The following MAP1S variants were observed in gnomAD, a reference collection of about 807,000 sequenced individuals.
MAP1S encodes the protein microtubule-associated protein 1S.
Under a neutral mutation model 60.9 loss-of-function variants are expected in MAP1S, and 27 were observed. That is an observed-to-expected ratio of 0.44 (90% CI 0.33 to 0.61). The LOEUF is 0.61. MAP1S is among the 20% of genes least tolerant of loss of function. The pLI, the probability that MAP1S is intolerant of heterozygous loss-of-function variation, is 0.03. For missense variants in MAP1S, 1,608 were observed against 1,486.6 expected, an observed-to-expected ratio of 1.08 and a Z score of -1.34; for synonymous variants, 826 against 694.2, an observed-to-expected ratio of 1.19 and a Z score of -2.98.
At chr19:17,720,314 A>C (rs1568289001) in intron 1 of MAP1S, 2 of 1,463,298 alleles carry the variant, frequency 1.4e-6, no homozygotes, top group Non-Finnish European at 1.8e-6. Flanking sequence ...AGGAACACGC[A>C]CCTCGGTTCA....
intron 1 of MAP1S, 149 bp from the exon 2 acceptor site, chr19:17,720,787 C>G (rs928499065): frequency 1.4e-6 from 1 of 706,272 alleles, no homozygotes; most frequent in South Asian, 1.6e-5. Flanking sequence ...GCAGCGAGAC[C>G]TGAAGGTGTT....
At chr19:17,723,408 C>T (rs866105817) in intron 2 of MAP1S, among the ~76,000 whole-genome samples, 3 of 151,730 alleles carry the variant, frequency 2.0e-5, no homozygotes, top group African/African-American at 4.8e-5. Flanking sequence ...ATTAATGGGG[C>T]GTGGTGGCGT....
chr19:17,725,980 CG>C lies in MAP1S; in HGVS notation c.597del (p.Gln200SerfsTer91). The C allele has an allele frequency of 6.2e-7, 1 of 1,612,202 alleles. No homozygotes were observed. The highest frequency in any genetic ancestry group is 8.5e-7 in the Non-Finnish European group (1 of 1,179,326). ...CTCCAGCTGCGGCTGAACCCCCCGGCGCAGCTGCCCAACTCTGAGGGCCTGT... is the reference window on the plus strand; with the variant it reads ...CTCCAGCTGCGGCTGAACCCCCCGGCCAGCTGCCCAACTCTGAGGGCCTGT... Reference protein sequence around the residue: ...LRLQLRLNPPAQLPNSEGLCE... With the variant: ...LRLQLRLNPPXQLPNSEGLCE... On this transcript the variant is annotated frameshift_variant, in exon 5 of 7. Transcript: ENST00000324096. LOFTEE classifies it high-confidence loss of function. The surrounding 1 kb of genome is among the most constrained non-coding windows in gnomAD (Gnocchi z 4.2).
intron 5 of MAP1S, among the ~76,000 whole-genome samples, chr19:17,732,081 T>G (rs1166998676): frequency 6.6e-6 from 1 of 152,262 alleles, no homozygotes; most frequent in Admixed American, 6.5e-5. Flanking sequence ...TAAAATGAGT[T>G]AGGAAGTGTT....
At position 17,726,708 on chromosome 19, in the gene MAP1S, C is replaced by T. The variant is rs1258466553; in HGVS notation, c.1324C>T (p.Leu442=). The change falls in exon 5 of 7, where the codon CTG becomes TTG. Residue 442 remains leucine, a synonymous_variant. Transcript: ENST00000324096. The stretch of plus-strand genomic sequence containing the variant: ...CGGTTGCACCCCGCCCGCCTGCCTC[C>T]TGGACGGCCTGGTCCGCCTGCAGCA... ...FPGCTPPACL[L]DGLVRLQHLR... 1.9e-6 allele frequency: 3 copies of T among 1,591,186 alleles called. No individual in the cohort carries two copies. The highest frequency in any genetic ancestry group is 2.3e-5 in the South Asian group (2 of 88,646).
At position 17,727,656 on chromosome 19, in the gene MAP1S, G is replaced by A. The variant is rs774970006; in HGVS notation, c.2272G>A (p.Ala758Thr). ...RKAVPMAPAP[A>T]SPGSSNDSSA... ...GGCGGTGCCAATGGCACCGGCACCT[G>A]CGTCCCCCGGCAGCTCGAATGACAG... The change falls in exon 5 of 7, where the codon GCG becomes ACG. Residue 758 changes from alanine (A) to threonine (T), a missense_variant. Around this residue, in one of 4 missense-constraint regions of MAP1S, gnomAD observed 1,167 missense variants for 961.4 expected, o/e 1.21. Coordinates refer to ENST00000324096, the MANE Select transcript of MAP1S (RefSeq NM_018174.6). The surrounding 1 kb of genome is among the most constrained non-coding windows in gnomAD (Gnocchi z 4.1). The A allele has an allele frequency of 2.5e-6, 4 of 1,608,796 alleles. No homozygotes were observed. The highest frequency in any genetic ancestry group is 3.4e-6 in the Non-Finnish European group (4 of 1,179,686).
intron 3 of MAP1S, among the ~76,000 whole-genome samples, 180 bp downstream of exon 3, chr19:17,724,388 G>T (rs991711162): frequency 5.3e-5 from 8 of 152,146 alleles, no homozygotes; most frequent in Non-Finnish European, 1.2e-4. Context: ...CCTCCTCTGG[G>T]GTGGGAGCAG....
chr19:17,725,978 G>A lies in MAP1S; in HGVS notation c.594G>A (p.Pro198=), dbSNP rs746922959. ...GGCTCCAGCTGCGGCTGAACCCCCC[G>A]GCGCAGCTGCCCAACTCTGAGGGCC... ...ALRLQLRLNP[P]AQLPNSEGLC... The change falls in exon 5 of 7, where the codon CCG becomes CCA. Residue 198 remains proline (P), a synonymous_variant. Transcript: ENST00000324096. This position sits in a 1 kb window ranked among gnomAD's most constrained non-coding sequence, Gnocchi z 4.2. The A allele has an allele frequency of 1.2e-6, 2 of 1,612,306 alleles. No individual in the cohort carries two copies. Among genetic ancestry groups the A allele is most frequent in the East Asian group, 2.2e-5 (1 of 44,830 alleles).
chr19:17,725,245 G>A lies in MAP1S; in HGVS notation c.444+56G>A, dbSNP rs1044009511. On this transcript the variant is annotated intron_variant, in intron 4 of 6. Transcript: ENST00000324096. The surrounding 1 kb of genome is among the most constrained non-coding windows in gnomAD (Gnocchi z 4.2). The stretch of plus-strand genomic sequence containing the variant: ...CCCAGCTCTGAATCCTGACTGGGGT[G>A]TATCAGGCTGTGTGGCACCAGCGAC... 1.3e-6 allele frequency: 2 copies of A among 1,553,832 alleles called. No individual in the cohort carries two copies. The highest frequency in any genetic ancestry group is 8.7e-7 in the Non-Finnish European group (1 of 1,149,286).
chr19:17,725,705 TTGGCGGGAGGGCCC>T lies in MAP1S; in HGVS notation c.445-121_445-108del, dbSNP rs1409282380. ...TTGTGGCGCTGGAGAGGGTTGGGTT[TTGGCGGGAGGGCCC>T]TGAGGAGCAGGCCCTGGGGGAAAGG... On this transcript the variant is annotated intron_variant, in intron 4 of 6. Coordinates refer to ENST00000324096, the MANE Select transcript of MAP1S (RefSeq NM_018174.6). The surrounding 1 kb of genome is among the most constrained non-coding windows in gnomAD (Gnocchi z 4.2). 5.3e-6 allele frequency: 5 copies of T among 950,950 alleles called. No homozygotes were observed. The African/African-American group carries it at 6.6e-5, about 13-fold the overall frequency. The allele number at this position is 950,950 out of a possible 1,614,324, so 58.9% of individuals were successfully genotyped here.
intron 2 of MAP1S, among the ~76,000 whole-genome samples, chr19:17,722,834 T>G (rs1241906529): frequency 6.7e-6 from 1 of 149,840 alleles, no homozygotes; most frequent in Non-Finnish European, 1.5e-5. Context: ...AAGCTAAATG[T>G]GATAAGGGCG....
At position 17,727,980 on chromosome 19, in the gene MAP1S, C is replaced by T. The variant is rs746785422; in HGVS notation, c.2596C>T (p.Leu866=). Residue 866 remains leucine, a synonymous_variant, in exon 5 of 7, where the codon CTG becomes TTG. Coordinates refer to ENST00000324096, the MANE Select transcript of MAP1S (RefSeq NM_018174.6). This position sits in a 1 kb window ranked among gnomAD's most constrained non-coding sequence, Gnocchi z 4.1. ...GAACGTCAGCCGCACCCGGAAGCCC[C>T]TGGCCCGCCCCAACTCACGCGCTGC... ...TENVSRTRKP[L]ARPNSRAAAP... 59 of 1,610,138 alleles carry T rather than the reference C, an allele frequency of 3.7e-5. No individual in the cohort carries two copies. In the South Asian group the frequency reaches 5.6e-4, roughly 15 times the overall value.
chr19:17,728,410 G>A (rs2080463869), intron 5 of MAP1S, among the ~76,000 whole-genome samples: 1 of 152,104 alleles, frequency 6.6e-6, no homozygotes, highest in Non-Finnish European at 1.5e-5. Context: ...CACTACCCCT[G>A]CCTAATTTTA....
intron 5 of MAP1S, 154 bp from the exon 6 acceptor site, chr19:17,733,039 G>A: frequency 1.7e-6 from 1 of 571,872 alleles, no homozygotes; most frequent in East Asian, 3.0e-5. Context: ...AGATTCACTG[G>A]AGTCATGAGC....
rs11548658 is a variant in MAP1S at position 17,727,064 on chromosome 19, C to T, written c.1680C>T (p.Pro560=). ...AGAAGACGAATGCCCAGGCGGCACCCAAGCCCCGCAAAGCGCCCAGCACGT... is the reference window on the plus strand; with the variant it reads ...AGAAGACGAATGCCCAGGCGGCACCTAAGCCCCGCAAAGCGCCCAGCACGT... ...NLKKTNAQAA[P]KPRKAPSTSH... The change falls in exon 5 of 7, where the codon CCC becomes CCT. Residue 560 remains proline, a synonymous_variant. Coordinates refer to ENST00000324096, the MANE Select transcript of MAP1S (RefSeq NM_018174.6). The surrounding 1 kb of genome is among the most constrained non-coding windows in gnomAD (Gnocchi z 4.1). The T allele has an allele frequency of 5.0e-5, 81 of 1,605,878 alleles. No individual in the cohort carries two copies. Among genetic ancestry groups the T allele is most frequent in the Middle Eastern group, 1.7e-4 (1 of 6,052 alleles).
In MAP1S at chr19:17,726,319, G is replaced by T. The variant is rs1460310677; in HGVS notation, c.935G>T (p.Arg312Leu). 2 of 1,604,482 alleles carry T rather than the reference G, an allele frequency of 1.2e-6. No individual in the cohort carries two copies. The highest frequency in any genetic ancestry group is 1.1e-5 in the South Asian group (1 of 90,432). ...CTGCTGCGGCGCAAACTGGCGGAGC[G>T]CTCCGAGGTGGCTGCTGGTGGGGGC... ...NSLLRRKLAE[R>L]SEVAAGGGSW... Residue 312 changes from arginine (R) to leucine (L), a missense_variant, in exon 5 of 7, where the codon CGC (arginine) becomes CTC (leucine). Arg to Leu is a moderately radical substitution (Grantham distance 102). Transcript: ENST00000324096.
At chr19:17,722,286 T>G (rs539832823) in intron 2 of MAP1S, among the ~76,000 whole-genome samples, 1 of 152,212 alleles carries the variant, frequency 6.6e-6, no homozygotes, top group Non-Finnish European at 1.5e-5. Flanking sequence ...ACCCTGTCCC[T>G]ACTGAAAATG....
intron 5 of MAP1S, among the ~76,000 whole-genome samples, chr19:17,731,185 A>G (rs572328144): frequency 6.6e-6 from 1 of 152,228 alleles, no homozygotes; most frequent in South Asian, 2.1e-4. Flanking sequence ...GTGAGTCACC[A>G]TGCCTGGTCA....
Position 17,724,129 on chromosome 19 carries a change from A to G in MAP1S, c.224A>G (p.Gln75Arg). The G allele has an allele frequency of 6.2e-7, 1 of 1,613,742 alleles. No individual in the cohort carries two copies. The highest frequency in any genetic ancestry group is 8.5e-7 in the Non-Finnish European group (1 of 1,179,838). ...GGACGGCCTGATTCCCCCACAGGCCAGCGGAGCCTGCACCACCGTGGAGAC... is the reference window on the plus strand; with the variant it reads ...GGACGGCCTGATTCCCCCACAGGCCGGCGGAGCCTGCACCACCGTGGAGAC... ...SATFSSIVKGQRSLHHRGDNL... is the reference protein window; with the variant it reads ...SATFSSIVKGRRSLHHRGDNL... The change falls in exon 3 of 7, where the codon CAG (glutamine) becomes CGG (arginine). Residue 75 changes from glutamine to arginine, a missense_variant. Coordinates refer to ENST00000324096, the MANE Select transcript of MAP1S (RefSeq NM_018174.6).
Sources: allele counts gnomAD v4.1 joint callset (sites outside exome capture counted in the v4.1 genomes callset), GRCh38; gene constraint gnomAD v4.1.1; regional missense constraint gnomAD v4.1.1; non-coding constraint Gnocchi (gnomAD v3.1); transcripts MANE v1.5; gene names NCBI Gene and HGNC (gene_info 2026-07-23, HGNC 2026-07-21).